The following CWC27 variants were observed in gnomAD, a reference collection of about 807,000 sequenced individuals.
The protein encoded by CWC27 is CWC27 spliceosome associated cyclophilin.
A neutral mutation model predicts 63.6 loss-of-function variants in CWC27; 47 were observed. The observed-to-expected ratio is 0.74, with a 90% CI of 0.58 to 0.94. The LOEUF (loss-of-function observed/expected upper bound fraction) is 0.94, where lower values mean the gene tolerates loss of function less well. Ranked by LOEUF, CWC27 falls within the 40% of genes least tolerant of loss-of-function variation. CWC27 has a pLI of 0.00. For synonymous variants in CWC27, 175 were observed against 179.8 expected (o/e 0.97, Z 0.22); for missense variants, 495 against 554.3 (o/e 0.89, Z 1.07).
chr5:64,940,348 C>T (rs1748448764), intron 11 of CWC27, among the ~76,000 whole-genome samples: 1 of 152,178 alleles, frequency 6.6e-6, no homozygotes, highest in African/African-American at 2.4e-5. Context: ...TCCCTCAGGG[C>T]TTCCCTTGGC....
chr5:64,961,672 C>T (rs1398248712), intron 11 of CWC27, among the ~76,000 whole-genome samples: 1 of 152,130 alleles, frequency 6.6e-6, no homozygotes, highest in Admixed American at 6.5e-5. Flanking sequence ...ACACAGAAGA[C>T]ACTGTGTAAT....
At position 64,993,843 on chromosome 5, in the gene CWC27, C is replaced by T. The variant is rs182753210; in HGVS notation, c.1256+16605C>T. On this transcript the variant is annotated intron_variant, in intron 13 of 13. Coordinates refer to ENST00000381070, the MANE Select transcript of CWC27 (RefSeq NM_005869.4). ...TATGGCAACGAAGCCAGTGCAAAGACAGTTGCCCTTATACACTGGCAACCA... is the reference window on the plus strand; with the variant it reads ...TATGGCAACGAAGCCAGTGCAAAGATAGTTGCCCTTATACACTGGCAACCA... 3.3e-5 allele frequency among the ~76,000 whole-genome samples: 5 copies of T among 152,300 alleles called. No homozygotes were observed. The East Asian group carries it at 7.7e-4, about 24-fold the overall frequency.
chr5:64,888,763 A>G (rs1233034286), intron 11 of CWC27, among the ~76,000 whole-genome samples: 3 of 152,004 alleles, frequency 2.0e-5, no homozygotes, highest in East Asian at 1.9e-4. Flanking sequence ...AAGATCTACC[A>G]TCTACCAATA....
At chr5:64,930,742 A>C (rs945849577) in intron 11 of CWC27, among the ~76,000 whole-genome samples, 1 of 152,136 alleles carries the variant, frequency 6.6e-6, no homozygotes, top group South Asian at 2.1e-4. Context: ...GAGAAACCGT[A>C]AAACACCTTG....
At chr5:64,788,537 T>C (rs969564694) in intron 6 of CWC27, among the ~76,000 whole-genome samples, 1 of 151,954 alleles carries the variant, frequency 6.6e-6, no homozygotes, top group Non-Finnish European at 1.5e-5. Context: ...TAAAAAATAT[T>C]TTGCCAAATA....
In CWC27 at chr5:64,769,018, A is replaced by C; in HGVS notation, c.-129A>C. On this transcript the variant is annotated 5_prime_UTR_variant, in exon 1 of 14. Transcript: ENST00000381070. ...GTGTTTGGTGTCCCTGTCTTGCGTGATATTGACAAACTGAAGCTTTCCTGC... is the reference window on the plus strand; with the variant it reads ...GTGTTTGGTGTCCCTGTCTTGCGTGCTATTGACAAACTGAAGCTTTCCTGC... The C allele has an allele frequency of 1.3e-6, 1 of 758,614 alleles. No individual in the cohort carries two copies. Among genetic ancestry groups the C allele is most frequent in the Non-Finnish European group, 2.3e-6 (1 of 435,904 alleles). The allele number at this position is 758,614 out of a possible 1,614,324, so 47.0% of individuals were successfully genotyped here. A position where few individuals can be genotyped will look rare whatever the true frequency, so the allele number is the denominator to read the frequency against.
At chr5:64,963,016 A>T (rs1748946306) in intron 11 of CWC27, among the ~76,000 whole-genome samples, 1 of 152,104 alleles carries the variant, frequency 6.6e-6, no homozygotes, top group African/African-American at 2.4e-5. Flanking sequence ...GAGTGCAGGC[A>T]CAGTCTTGGC....
chr5:64,808,772 G>C (rs1744776226), intron 10 of CWC27, among the ~76,000 whole-genome samples: 1 of 152,102 alleles, frequency 6.6e-6, no homozygotes, highest in Non-Finnish European at 1.5e-5. Context: ...AATTAATTAT[G>C]TTCCATTATA....
intron 10 of CWC27, among the ~76,000 whole-genome samples, chr5:64,835,777 T>G (rs1745644432): frequency 6.6e-6 from 1 of 151,890 alleles, no homozygotes. Context: ...TTGTTTTATA[T>G]CTTCATGTTT....
Position 64,990,679 on chromosome 5 carries a change from A to G in CWC27, c.1256+13441A>G, listed in dbSNP as rs555132349. Among the ~76,000 whole-genome samples the G allele has an allele frequency of 2.4e-4, 36 of 152,330 alleles. No homozygotes were observed. The South Asian group carries it at 7.0e-3, about 30-fold the overall frequency. ...TCCAGATACTGAGCCTTTTGTACTCATTAAACTGCTGCTGTCATACAACCC... is the reference window on the plus strand; with the variant it reads ...TCCAGATACTGAGCCTTTTGTACTCGTTAAACTGCTGCTGTCATACAACCC... On this transcript the variant is annotated intron_variant, in intron 13 of 13. Transcript: ENST00000381070.
chr5:64,810,990 A>T (rs906664578), intron 10 of CWC27, among the ~76,000 whole-genome samples: 1 of 152,100 alleles, frequency 6.6e-6, no homozygotes, highest in African/African-American at 2.4e-5. Context: ...ATGTTTTTTT[A>T]AAATGTGGCT....
At chr5:64,831,765 T>TA (rs915742936) in intron 10 of CWC27, among the ~76,000 whole-genome samples, 4 of 151,828 alleles carry the variant, frequency 2.6e-5, no homozygotes, top group Admixed American at 6.6e-5. Flanking sequence ...AATCTTCACA[T>TA]AAAAAACATA....
Position 64,905,833 on chromosome 5 carries a change from C to T in CWC27, c.1042+20287C>T, listed in dbSNP as rs556810748. ...CCTAATGCTGTGCCTCCCCCTGTCT[C>T]CCACCCCATGACAGGCCCCGGTGTG... On this transcript the variant is annotated intron_variant, in intron 11 of 13. Coordinates refer to ENST00000381070, the MANE Select transcript of CWC27 (RefSeq NM_005869.4). Among the ~76,000 whole-genome samples the T allele has an allele frequency of 1.1e-4, 16 of 152,224 alleles. 1 individual carries two copies. In the East Asian group the frequency reaches 1.4e-3, roughly 13 times the overall value.
intron 11 of CWC27, among the ~76,000 whole-genome samples, chr5:64,931,287 A>G (rs936433709): frequency 2.6e-5 from 4 of 151,952 alleles, no homozygotes; most frequent in African/African-American, 9.7e-5. Context: ...AAATTAATAT[A>G]TATTTATGCA....
intron 11 of CWC27, among the ~76,000 whole-genome samples, chr5:64,953,064 C>T (rs1470280059): frequency 4.6e-5 from 7 of 152,056 alleles, no homozygotes; most frequent in Non-Finnish European, 1.0e-4. Flanking sequence ...TATTCTCACC[C>T]ATTTGGTTAT....
intron 1 of CWC27, chr5:64,773,786 T>C (rs1305239765): frequency 6.6e-6 from 1 of 152,180 alleles, no homozygotes; most frequent in Non-Finnish European, 1.5e-5. Flanking sequence ...CTGTTTCCTG[T>C]GGGCCCAGCA....
chr5:64,909,616 T>A (rs549455313), intron 11 of CWC27, among the ~76,000 whole-genome samples: 1 of 152,332 alleles, frequency 6.6e-6, no homozygotes, highest in Admixed American at 6.5e-5. Flanking sequence ...CCATATTTCT[T>A]GGAGGCTTTG....
intron 11 of CWC27, among the ~76,000 whole-genome samples, chr5:64,936,542 G>T (rs1173543519): frequency 1.3e-5 from 2 of 152,190 alleles, no homozygotes; most frequent in Non-Finnish European, 2.9e-5. Flanking sequence ...GTTCATCAGG[G>T]ATATTGGCCT....
At chr5:64,797,573 A>G (rs1032200979) in intron 7 of CWC27, among the ~76,000 whole-genome samples, 2 of 152,214 alleles carry the variant, frequency 1.3e-5, no homozygotes, top group African/African-American at 4.8e-5. Flanking sequence ...AAATTAGTGT[A>G]AAACAAGGTT....
Sources: gnomAD v4.1 joint callset for allele counts (sites outside exome capture counted in the v4.1 genomes callset) on GRCh38, gnomAD v4.1.1 for gene constraint, MANE v1.5 for transcripts, NCBI Gene and HGNC (gene_info 2026-07-23, HGNC 2026-07-21) for gene names.